The following NELL1 variants were observed in gnomAD, a reference collection of about 807,000 sequenced individuals.
NELL1 encodes neural EGFL like 1.
A neutral mutation model predicts 107.4 loss-of-function variants in NELL1; 76 were observed. The ratio of observed to expected loss-of-function variants is 0.71; its 90% CI spans 0.59 to 0.86. The LOEUF is 0.86. Ranked by LOEUF, NELL1 falls within the 40% of genes least tolerant of loss-of-function variation. NELL1 has a pLI of 0.00. For synonymous variants in NELL1, 353 were observed against 341.2 expected, an observed-to-expected ratio of 1.03 and a Z score of -0.38; for missense variants, 1,024 against 1,005.5, an observed-to-expected ratio of 1.02 and a Z score of -0.25.
chr11:21,282,208 C>A (rs777841262), intron 14 of NELL1, among the ~76,000 whole-genome samples: 1 of 151,980 alleles, frequency 6.6e-6, no homozygotes, highest in Non-Finnish European at 1.5e-5. Flanking sequence ...AGACGTTTCT[C>A]AAAAGAAGAC....
At chr11:20,822,978 G>T (rs537335625) in intron 3 of NELL1, among the ~76,000 whole-genome samples, 2 of 152,188 alleles carry the variant, frequency 1.3e-5, no homozygotes, top group Non-Finnish European at 2.9e-5. Context: ...AGCTTGGCTT[G>T]GAAAGCTGAA....
chr11:21,314,187 ATTTC>A (rs1440958775), intron 14 of NELL1, among the ~76,000 whole-genome samples: 1 of 152,074 alleles, frequency 6.6e-6, no homozygotes, highest in East Asian at 1.9e-4. Flanking sequence ...AGTGTCAGGT[ATTTC>A]TTTACAGCAA....
At chr11:21,280,799 T>C (rs1296342702) in intron 14 of NELL1, among the ~76,000 whole-genome samples, 1 of 152,070 alleles carries the variant, frequency 6.6e-6, no homozygotes, top group Non-Finnish European at 1.5e-5. Flanking sequence ...TAAGTAACAA[T>C]TTTAAGTTTA....
intron 4 of NELL1, among the ~76,000 whole-genome samples, chr11:20,863,606 C>T (rs1358509487): frequency 2.0e-5 from 3 of 150,044 alleles, no homozygotes; most frequent in Admixed American, 6.6e-5. Context: ...CGGGAAGAGG[C>T]GGTCCTCACC....
intron 3 of NELL1, among the ~76,000 whole-genome samples, chr11:20,795,972 A>G (rs1442920866): frequency 2.6e-5 from 4 of 152,150 alleles, no homozygotes; most frequent in Non-Finnish European, 5.9e-5. Context: ...TTCTAGGTAA[A>G]GTGAAGGTAT....
At chr11:21,574,648 C>T (rs1265738793) in intron 19 of NELL1, among the ~76,000 whole-genome samples, 3 of 151,678 alleles carry the variant, frequency 2.0e-5, no homozygotes, top group Non-Finnish European at 2.9e-5. Context: ...GAAAGAATCT[C>T]GCTTGGAATA....
chr11:20,843,603 A>C (rs567254972), intron 3 of NELL1, among the ~76,000 whole-genome samples: 118 of 147,332 alleles, frequency 8.0e-4, no homozygotes, highest in Middle Eastern at 7.2e-3. Flanking sequence ...TATAAATATA[A>C]AATTTTATAT....
At chr11:20,789,219 T>TGTCA (rs1857027820) in intron 3 of NELL1, among the ~76,000 whole-genome samples, 1 of 152,130 alleles carries the variant, frequency 6.6e-6, no homozygotes, top group African/African-American at 2.4e-5. Flanking sequence ...CTGGCCTAGG[T>TGTCA]GTCATGCCTC....
chr11:20,934,951 C>G (rs1297660566), intron 9 of NELL1, among the ~76,000 whole-genome samples: 3 of 152,312 alleles, frequency 2.0e-5, no homozygotes, highest in Admixed American at 1.3e-4. Flanking sequence ...TATTAATTCT[C>G]CATTTTTTTG....
chr11:21,489,777 G>T (rs1406208735), intron 15 of NELL1, among the ~76,000 whole-genome samples: 4 of 151,830 alleles, frequency 2.6e-5, no homozygotes, highest in Non-Finnish European at 5.9e-5. Context: ...CAACATCTAG[G>T]AATAGAAGGA....
intron 15 of NELL1, among the ~76,000 whole-genome samples, chr11:21,522,691 T>G (rs1057141228): frequency 6.6e-6 from 1 of 152,138 alleles, no homozygotes; most frequent in Non-Finnish European, 1.5e-5. Flanking sequence ...AAAGTTATAC[T>G]TGTACCCCAT....
intron 14 of NELL1, among the ~76,000 whole-genome samples, chr11:21,362,933 G>A (rs1031461691): frequency 1.3e-5 from 2 of 152,164 alleles, no homozygotes; most frequent in Non-Finnish European, 1.5e-5. Context: ...CACCTCTGCT[G>A]TGTTATATGG....
At chr11:20,734,864 C>T (rs2133926420) in intron 2 of NELL1, among the ~76,000 whole-genome samples, 1 of 152,260 alleles carries the variant, frequency 6.6e-6, no homozygotes, top group South Asian at 2.1e-4. Context: ...ACAACAGCAG[C>T]AGTGGCCCCT....
chr11:21,223,813 A>ATG (rs940252482), intron 13 of NELL1, among the ~76,000 whole-genome samples: 2 of 152,130 alleles, frequency 1.3e-5, no homozygotes, highest in African/African-American at 2.4e-5. Context: ...ACACTTCCTG[A>ATG]TGTAGGACTT....
intron 13 of NELL1, among the ~76,000 whole-genome samples, chr11:21,194,703 C>A (rs1857116671): frequency 6.6e-6 from 1 of 152,102 alleles, no homozygotes; most frequent in South Asian, 2.1e-4. Context: ...GCCCAGAAAT[C>A]TGCATTTTAA....
At chr11:21,400,867 A>C (rs1852081514) in intron 15 of NELL1, among the ~76,000 whole-genome samples, 1 of 151,950 alleles carries the variant, frequency 6.6e-6, no homozygotes, top group Non-Finnish European at 1.5e-5. Context: ...GCCAGGGCAC[A>C]GCACTAGGCT....
chr11:20,899,220 A>T (rs144314351), intron 5 of NELL1, among the ~76,000 whole-genome samples: 283 of 152,238 alleles, frequency 1.9e-3, no homozygotes, highest in African/African-American at 6.5e-3. Flanking sequence ...CTTTGTGAAA[A>T]TTAACTACAT....
At chr11:21,435,155 G>A (rs1800416343) in intron 15 of NELL1, among the ~76,000 whole-genome samples, 2 of 151,976 alleles carry the variant, frequency 1.3e-5, no homozygotes, top group African/African-American at 4.8e-5. Context: ...CAGTTTCCAT[G>A]CACTGTATTT....
Position 21,507,772 on chromosome 11 carries a change from TTTTTC to T in NELL1, c.1646-26587_1646-26583del, listed in dbSNP as rs201507302. 1.9e-4 allele frequency among the ~76,000 whole-genome samples: 29 copies of T among 149,738 alleles called. No individual in the cohort carries two copies. The South Asian group carries it at 3.6e-3, about 18-fold the overall frequency. On this transcript the variant is annotated intron_variant, in intron 15 of 19. Coordinates refer to ENST00000357134, the MANE Select transcript of NELL1 (RefSeq NM_006157.5). Reference sequence around the variant, plus strand: ...CCAGAGAGTTATTAAAAGCAAAAGTTTTTTCTTTTCTTTTCTTTTTTTTTTTTGAG... The same window carrying T: ...CCAGAGAGTTATTAAAAGCAAAAGTTTTTTCTTTTCTTTTTTTTTTTTGAG...
Sources: gnomAD v4.1 joint callset for allele counts (sites outside exome capture counted in the v4.1 genomes callset) on GRCh38, gnomAD v4.1.1 for gene constraint, MANE v1.5 for transcripts, NCBI Gene and HGNC (gene_info 2026-07-23, HGNC 2026-07-21) for gene names.